Variants in UFL1 observed in about 807,000 individuals in gnomAD.
UFL1 encodes UFM1 specific ligase 1, also known as E3 UFM1-protein ligase 1.
UFL1 carries 78 observed loss-of-function variants against 99.3 expected under a neutral mutation model. The observed-to-expected ratio is 0.79, with a 90% CI of 0.65 to 0.95. The LOEUF (loss-of-function observed/expected upper bound fraction) is 0.95. UFL1 is among the 40% of genes least tolerant of loss of function. UFL1 has a pLI of 0.00. For synonymous variants in UFL1, 335 were observed against 322.2 expected (o/e 1.04, Z -0.42); for missense variants, 936 against 937.0 (o/e 1.00, Z 0.01).
In UFL1 at chr6:96,554,746, A is replaced by G. The variant is rs775536164; in HGVS notation, c.*1243A>G. ...TAATCCTTAGTGAAAGTAATTAATT[A>G]AATTGCCAACTTGGCATTATTATTA... On this transcript the variant is annotated 3_prime_UTR_variant, in exon 19 of 19. Transcript: ENST00000369278. The G allele has an allele frequency of 3.9e-5, 6 of 152,618 alleles. No individual in the cohort carries two copies. Among genetic ancestry groups the G allele is most frequent in the Admixed American group, 6.5e-5 (1 of 15,284 alleles). The allele number at this position is 152,618 out of a possible 1,614,324, so 9.5% of individuals were successfully genotyped here. A position where few individuals can be genotyped will look rare whatever the true frequency, so the allele number is the denominator to read the frequency against.
In UFL1 at chr6:96,536,296, T is replaced by TG. The variant is rs1242649502; in HGVS notation, c.711dup (p.Arg238GlufsTer4). On this transcript the variant is annotated frameshift_variant, in exon 8 of 19. Transcript: ENST00000369278. LOFTEE classifies it high-confidence loss of function. ...GACGCTTACGAGGCACTGTGGTTGG[T>TG]GGGAGACAGGATAAAGCTGTGTTTG... The TG allele has an allele frequency of 6.2e-7, 1 of 1,611,330 alleles. No homozygotes were observed. Among genetic ancestry groups the TG allele is most frequent in the Admixed American group, 1.7e-5 (1 of 59,902 alleles).
chr6:96,534,830 T>G (rs1049504618), intron 7 of UFL1, among the ~76,000 whole-genome samples: 15 of 151,764 alleles, frequency 9.9e-5, no homozygotes, highest in Admixed American at 9.9e-4. Context: ...TTTTAATGCT[T>G]TGCTGAAAAT....
chr6:96,528,710 TTTTC>T, intron 6 of UFL1, 78 bp downstream of exon 6: 3 of 1,450,748 alleles, frequency 2.1e-6, no homozygotes, highest in South Asian at 1.5e-5. Context: ...AGCGGAATCT[TTTTC>T]TTTGTTTTAA....
At position 96,537,492 on chromosome 6, in the gene UFL1, T is replaced by G. The variant is rs1229717271; in HGVS notation, c.921T>G (p.Asp307Glu). 1 of 1,610,100 alleles carries G rather than the reference T, an allele frequency of 6.2e-7. No individual in the cohort carries two copies. The highest frequency in any genetic ancestry group is 8.5e-7 in the Non-Finnish European group (1 of 1,177,888). Residue 307 changes from aspartate to glutamate, a missense_variant, in exon 9 of 19, where the codon GAT becomes GAG. Physicochemically the swap from Asp to Glu is conservative, Grantham distance 45. Transcript: ENST00000369278. ...CTTGTGTTGGTCAAGGACTTGTGGA[T>G]CAAGTGGAAGCATCAGTAGAAGAAG... ...KAACVGQGLV[D>E]QVEASVEEAI... is the part of the protein sequence containing the mutation.
intron 17 of UFL1, 24 bp from the exon 18 acceptor site, chr6:96,552,451 AATGAATT>A: frequency 6.6e-7 from 1 of 1,521,020 alleles, no homozygotes; most frequent in Non-Finnish European, 8.8e-7. Flanking sequence ...AAATTATGAT[AATGAATT>A]TGTGTGCTTT....
At chr6:96,540,004 A>G (rs1451121144) in intron 10 of UFL1, among the ~76,000 whole-genome samples, 1 of 151,534 alleles carries the variant, frequency 6.6e-6, no homozygotes, top group African/African-American at 2.4e-5. Context: ...GAACTTGGAA[A>G]TACTTCATCG....
chr6:96,529,791 T>C (rs987828296), intron 6 of UFL1, among the ~76,000 whole-genome samples: 10 of 152,320 alleles, frequency 6.6e-5, no homozygotes, highest in South Asian at 2.1e-4. Flanking sequence ...GAGCACCTAA[T>C]GCATGTAAGG....
chr6:96,547,334 A>T (rs1463370914), intron 12 of UFL1, among the ~76,000 whole-genome samples: 3 of 151,652 alleles, frequency 2.0e-5, no homozygotes, highest in African/African-American at 7.3e-5. Context: ...GTTAGTGTTG[A>T]TGTGGGGAAA....
intron 8 of UFL1, among the ~76,000 whole-genome samples, chr6:96,536,781 T>G (rs1354213742): frequency 6.6e-6 from 1 of 151,762 alleles, no homozygotes; most frequent in Non-Finnish European, 1.5e-5. Context: ...TATTATATCT[T>G]ACATTTTGCT....
intron 7 of UFL1, 38 bp from the exon 8 acceptor site, chr6:96,536,206 G>T: frequency 1.3e-6 from 2 of 1,566,620 alleles, no homozygotes; most frequent in Non-Finnish European, 8.7e-7. Context: ...ATTTATACCT[G>T]GTCTGATTTA....
Position 96,553,811 on chromosome 6 carries a change from G to A in UFL1, c.*308G>A, listed in dbSNP as rs1770116694. On this transcript the variant is annotated 3_prime_UTR_variant, in exon 19 of 19. Coordinates refer to ENST00000369278, the MANE Select transcript of UFL1 (RefSeq NM_015323.5). ...TTTCAGGTTTGTTCTCTTTCCAAATGTTGAATGAAAAACAAATTTTCCAAT... is the reference window on the plus strand; with the variant it reads ...TTTCAGGTTTGTTCTCTTTCCAAATATTGAATGAAAAACAAATTTTCCAAT... 4.4e-6 allele frequency: 1 copy of A among 225,958 alleles called. No individual in the cohort carries two copies. The highest frequency in any genetic ancestry group is 8.7e-6 in the Non-Finnish European group (1 of 115,232). 14.0% of individuals were successfully genotyped at this position (225,958 alleles called of 1,614,324 possible).
chr6:96,544,234 A>G (rs1769970728), intron 12 of UFL1, among the ~76,000 whole-genome samples: 1 of 151,070 alleles, frequency 6.6e-6, no homozygotes, highest in African/African-American at 2.4e-5. Context: ...CATTAATTAT[A>G]TGCATCTTTC....
At chr6:96,523,120 G>C (rs764675178) in intron 1 of UFL1, 26 bp from the exon 2 acceptor site, 1 of 1,575,944 alleles carries the variant, frequency 6.3e-7, no homozygotes. Context: ...GTGGACTTTT[G>C]AAACAACTTT....
At chr6:96,550,603 A>G (rs1038040737) in intron 15 of UFL1, among the ~76,000 whole-genome samples, 1 of 151,946 alleles carries the variant, frequency 6.6e-6, no homozygotes, top group African/African-American at 2.4e-5. Flanking sequence ...TTCTCACAGT[A>G]AGGACCATCC....
intron 6 of UFL1, among the ~76,000 whole-genome samples, chr6:96,532,595 T>C (rs1301640970): frequency 6.6e-6 from 1 of 152,216 alleles, no homozygotes; most frequent in Non-Finnish European, 1.5e-5. Context: ...AGAGAGTATA[T>C]TGTTGAAAGG....
Position 96,552,550 on chromosome 6 carries a change from T to C in UFL1, c.2054T>C (p.Ile685Thr). 2 of 1,613,202 alleles carry C rather than the reference T, an allele frequency of 1.2e-6. No homozygotes were observed. Among genetic ancestry groups the C allele is most frequent in the Non-Finnish European group, 8.5e-7 (1 of 1,179,676 alleles). ...AAGGTCACAGAAGACCCTGCTCTTATTCTGCACCTCACATCAGTCCTGTTG... is the reference window on the plus strand; with the variant it reads ...AAGGTCACAGAAGACCCTGCTCTTACTCTGCACCTCACATCAGTCCTGTTG... Reference protein sequence around the residue: ...QLKVTEDPALILHLTSVLLFQ... With the variant: ...QLKVTEDPALTLHLTSVLLFQ... The change falls in exon 18 of 19, where the codon ATT (isoleucine) becomes ACT (threonine). Residue 685 changes from isoleucine (I) to threonine (T), a missense_variant. Ile to Thr is a moderately conservative substitution (Grantham distance 89, BLOSUM62 -1). Transcript: ENST00000369278.
chr6:96,533,799 C>CAAAA (rs5878435), intron 6 of UFL1, among the ~76,000 whole-genome samples: 2 of 113,740 alleles, frequency 1.8e-5, no homozygotes, highest in African/African-American at 6.9e-5. Flanking sequence ...TACTCAAAAG[C>CAAAA]AAAAAAAAAA....
rs372620492 is a variant in UFL1, at chr6:96,548,294, T to A, written c.1520+13T>A. Reference sequence around the variant, plus strand: ...AGTACTTAATAAAGCAAGTATAAAATGTATTTTTTCTGTTTTATGGTAGAA... The same window carrying A: ...AGTACTTAATAAAGCAAGTATAAAAAGTATTTTTTCTGTTTTATGGTAGAA... On this transcript the variant is annotated intron_variant, in intron 13 of 18. Coordinates refer to ENST00000369278, the MANE Select transcript of UFL1 (RefSeq NM_015323.5). The A allele has an allele frequency of 2.0e-6, 3 of 1,487,096 alleles. No homozygotes were observed. The African/African-American group carries it at 4.3e-5, about 21-fold the overall frequency. 92.1% of individuals were successfully genotyped at this position (1,487,096 alleles called of 1,614,324 possible). A position where few individuals can be genotyped will look rare whatever the true frequency, so the allele number is the denominator to read the frequency against.
chr6:96,540,326 A>G (rs1769913129), intron 10 of UFL1, among the ~76,000 whole-genome samples: 2 of 151,430 alleles, frequency 1.3e-5, no homozygotes, highest in Non-Finnish European at 3.0e-5. Context: ...TTAGTTAATA[A>G]TGGGTACAAA....
Sources: allele counts gnomAD v4.1 joint callset (sites outside exome capture counted in the v4.1 genomes callset), GRCh38; gene constraint gnomAD v4.1.1; transcripts MANE v1.5; gene names NCBI Gene and HGNC (gene_info 2026-07-23, HGNC 2026-07-21).